PLXDC2: variants seen among roughly 807,000 people sequenced by gnomAD.
PLXDC2 encodes the protein plexin domain containing 2, also known as plexin domain-containing protein 2.
PLXDC2 carries 40 observed loss-of-function variants against 68.9 expected under a neutral mutation model. That is an observed-to-expected ratio of 0.58 (90% CI 0.45 to 0.76). PLXDC2 has a LOEUF of 0.76. PLXDC2 is among the 30% of genes least tolerant of loss of function. The pLI is 0.00. For synonymous variants in PLXDC2, 243 were observed against 234.2 expected (o/e 1.04, Z -0.34); for missense variants, 644 against 661.9 (o/e 0.97, Z 0.30).
chr10:19,837,783 A>G (rs149068832), intron 1 of PLXDC2, among the ~76,000 whole-genome samples: 63 of 152,274 alleles, frequency 4.1e-4, no homozygotes, highest in Admixed American at 1.1e-3. Flanking sequence ...TTGTTTGCCT[A>G]TGTAAATTGC....
At chr10:20,188,557 A>G (rs1834717187) in intron 9 of PLXDC2, among the ~76,000 whole-genome samples, 1 of 151,720 alleles carries the variant, frequency 6.6e-6, no homozygotes, top group African/African-American at 2.4e-5. Flanking sequence ...GGACTAGGGC[A>G]GTAGAAATGC....
intron 4 of PLXDC2, among the ~76,000 whole-genome samples, chr10:20,133,385 G>T (rs923277123): frequency 6.6e-6 from 1 of 152,122 alleles, no homozygotes; most frequent in Non-Finnish European, 1.5e-5. Context: ...TTGTGAGGTA[G>T]TCCTAATGGT....
chr10:19,941,889 T>A (rs1161369953), intron 1 of PLXDC2, among the ~76,000 whole-genome samples: 3 of 152,114 alleles, frequency 2.0e-5, no homozygotes, highest in Admixed American at 6.6e-5. Context: ...CAGTATTTTT[T>A]AATTTTTTTC....
rs186573149 is a variant in PLXDC2, at chr10:19,869,356, A to C, written c.112+52165A>C. 3.1e-3 allele frequency among the ~76,000 whole-genome samples: 466 copies of C among 151,584 alleles called. 13 individuals carry two copies. In the East Asian group the frequency reaches 0.074, roughly 24 times the overall value. Reference sequence around the variant, plus strand: ...GGAGGATGGCTGGAGCCTGGGAGGCAGAGGTTGCAATGAGCTGAAATGCTG... The same window carrying C: ...GGAGGATGGCTGGAGCCTGGGAGGCCGAGGTTGCAATGAGCTGAAATGCTG... On this transcript the variant is annotated intron_variant, in intron 1 of 13. Transcript: ENST00000377252.
rs1042712565 is a variant in PLXDC2 at position 20,143,243 on chromosome 10, A to G, written c.542-52A>G. ...TTGAGTTGGAAGTATTTTAATCATA[A>G]TTTTATATGGGCTTCTTTTTCTGAA... On this transcript the variant is annotated intron_variant, in intron 4 of 13. Coordinates refer to ENST00000377252, the MANE Select transcript of PLXDC2 (RefSeq NM_032812.9). The G allele has an allele frequency of 3.9e-6, 6 of 1,546,458 alleles. No homozygotes were observed. In the African/African-American group the frequency reaches 8.3e-5, roughly 21 times the overall value.
At chr10:20,077,117 G>A (rs1564306585) in intron 4 of PLXDC2, among the ~76,000 whole-genome samples, 2 of 152,098 alleles carry the variant, frequency 1.3e-5, no homozygotes, top group Admixed American at 1.3e-4. Context: ...AGATGACTGG[G>A]ATGAGAATGG....
At chr10:20,007,355 T>C (rs926469695) in intron 2 of PLXDC2, among the ~76,000 whole-genome samples, 9 of 152,248 alleles carry the variant, frequency 5.9e-5, no homozygotes, top group South Asian at 2.1e-4. Flanking sequence ...TGGTCACTTA[T>C]AGTGTTCTTC....
chr10:20,280,764 T>A lies in PLXDC2; in HGVS notation c.*945T>A, dbSNP rs1351656066. 1 of 152,162 alleles carries A rather than the reference T, an allele frequency of 6.6e-6. No individual in the cohort carries two copies. The highest frequency in any genetic ancestry group is 1.5e-5 in the Non-Finnish European group (1 of 68,014). The allele number at this position is 152,162 out of a possible 1,614,324, so 9.4% of individuals were successfully genotyped here. On this transcript the variant is annotated 3_prime_UTR_variant, in exon 14 of 14. Coordinates refer to ENST00000377252, the MANE Select transcript of PLXDC2 (RefSeq NM_032812.9). ...ATTTTAAACATATGATTATTTTTAA[T>A]TTTATGCCTTTTCAGTACTAAACAC... is the stretch of plus-strand genomic sequence containing the variant.
chr10:20,064,940 T>A (rs1301998188), intron 3 of PLXDC2, among the ~76,000 whole-genome samples: 1 of 152,094 alleles, frequency 6.6e-6, no homozygotes. Context: ...GCTCAGTCCA[T>A]GGGGACTGAG....
chr10:20,091,974 AATAC>A (rs1293212071), intron 4 of PLXDC2, among the ~76,000 whole-genome samples: 1 of 152,250 alleles, frequency 6.6e-6, no homozygotes, highest in Non-Finnish European at 1.5e-5. Context: ...AAAGACAGTT[AATAC>A]ATATTCACTG....
At chr10:20,040,045 A>G (rs1031822659) in intron 2 of PLXDC2, among the ~76,000 whole-genome samples, 1 of 152,204 alleles carries the variant, frequency 6.6e-6, no homozygotes, top group African/African-American at 2.4e-5. Context: ...GTTCTCGGCC[A>G]TGGTGGGGTG....
intron 2 of PLXDC2, 44 bp downstream of exon 2, chr10:20,002,030 T>G (rs769938312): frequency 1.9e-5 from 29 of 1,559,694 alleles, no homozygotes; most frequent in Middle Eastern, 2.3e-4. Context: ...AATGAATTTA[T>G]TTCATGTAGG....
chr10:20,066,335 G>A (rs188328115), intron 3 of PLXDC2, among the ~76,000 whole-genome samples: 5 of 152,226 alleles, frequency 3.3e-5, no homozygotes, highest in Admixed American at 6.5e-5. Context: ...ATGTCATAGC[G>A]TTTTGGTTGA....
At chr10:20,131,824 C>A (rs1190604664) in intron 4 of PLXDC2, among the ~76,000 whole-genome samples, 1 of 151,964 alleles carries the variant, frequency 6.6e-6, no homozygotes, top group Non-Finnish European at 1.5e-5. Context: ...GTCCCTATAT[C>A]ATTCATATAT....
chr10:20,081,985 C>G (rs1290134292), intron 4 of PLXDC2, among the ~76,000 whole-genome samples: 1 of 131,964 alleles, frequency 7.6e-6, no homozygotes, highest in Non-Finnish European at 1.5e-5. Flanking sequence ...GCAGAGGTTG[C>G]AGTGAGCCGA....
chr10:20,254,945 A>T (rs1005374632), intron 13 of PLXDC2, among the ~76,000 whole-genome samples: 1 of 152,320 alleles, frequency 6.6e-6, no homozygotes, highest in South Asian at 2.1e-4. Context: ...TATAAATGAC[A>T]TCCTTAATTT....
At chr10:19,977,880 A>G (rs1408500081) in intron 1 of PLXDC2, among the ~76,000 whole-genome samples, 2 of 152,164 alleles carry the variant, frequency 1.3e-5, no homozygotes, top group African/African-American at 4.8e-5. Flanking sequence ...CCAGTTGGGG[A>G]TTAGGCTTCA....
intron 4 of PLXDC2, among the ~76,000 whole-genome samples, chr10:20,120,432 G>A (rs576488408): frequency 3.0e-4 from 46 of 152,244 alleles, no homozygotes; most frequent in African/African-American, 7.7e-4. Flanking sequence ...GGGATATAAA[G>A]GTTTCACTGA....
intron 1 of PLXDC2, among the ~76,000 whole-genome samples, chr10:19,876,081 C>G (rs1462901182): frequency 6.6e-6 from 1 of 151,954 alleles, no homozygotes; most frequent in Non-Finnish European, 1.5e-5. Flanking sequence ...AACACTGGTT[C>G]CTAGTTTATC....
Sources: gnomAD v4.1 joint callset for allele counts (sites outside exome capture counted in the v4.1 genomes callset) on GRCh38, gnomAD v4.1.1 for gene constraint, MANE v1.5 for transcripts, NCBI Gene and HGNC (gene_info 2026-07-23, HGNC 2026-07-21) for gene names.